LATS1: variants seen among roughly 807,000 people sequenced by gnomAD.
LATS1 encodes large tumor suppressor kinase 1, also known as serine/threonine-protein kinase LATS1.
LATS1 carries 25 observed loss-of-function variants against 106.6 expected under a neutral mutation model. That is an observed-to-expected ratio of 0.23 (90% CI 0.17 to 0.33). The LOEUF (loss-of-function observed/expected upper bound fraction) is 0.33. Among genes scored for constraint, LATS1 ranks in the 10% least tolerant of loss-of-function variants. LATS1 has a pLI of 1.00. For missense variants in LATS1, 1,040 were observed against 1,382.6 expected (o/e 0.75, Z 3.93); for synonymous variants, 465 against 455.6 (o/e 1.02, Z -0.26).
chr6:149,695,407 A>AG (rs1783002696), intron 2 of LATS1, among the ~76,000 whole-genome samples, 186 bp from the exon 3 acceptor site: 1 of 152,186 alleles, frequency 6.6e-6, no homozygotes, highest in Admixed American at 6.5e-5. Flanking sequence ...TAAAACAGGC[A>AG]GGGCGCAGTG....
chr6:149,697,303 G>T (rs1017065982), intron 2 of LATS1: 1 of 485,174 alleles, frequency 2.1e-6, no homozygotes. Context: ...GATTTTGTTG[G>T]AAGCAGCAAG....
chr6:149,709,563 A>C (rs1257425732), intron 1 of LATS1, among the ~76,000 whole-genome samples: 1 of 151,380 alleles, frequency 6.6e-6, no homozygotes, highest in Non-Finnish European at 1.5e-5. Flanking sequence ...GGCTTCCTTT[A>C]CATAATGGGA....
intron 3 of LATS1, among the ~76,000 whole-genome samples, chr6:149,693,511 G>A (rs570156239): frequency 6.6e-6 from 1 of 151,718 alleles, no homozygotes; most frequent in East Asian, 2.0e-4. Context: ...TACTCAGGCT[G>A]TGGCAGGAGA....
At chr6:149,679,796 G>A (rs1781936864) in intron 5 of LATS1, 79 bp downstream of exon 5, 5 of 1,082,730 alleles carry the variant, frequency 4.6e-6, no homozygotes, top group Non-Finnish European at 6.6e-6. Flanking sequence ...ATCCAGTGAT[G>A]ATACCATCTT....
intron 3 of LATS1, among the ~76,000 whole-genome samples, chr6:149,692,704 C>T (rs1264303764): frequency 4.1e-5 from 6 of 146,006 alleles, no homozygotes; most frequent in Non-Finnish European, 6.0e-5. Flanking sequence ...GAGGGAGTTT[C>T]GATCTTGTTG....
At chr6:149,707,314 G>A (rs1783840108) in intron 1 of LATS1, among the ~76,000 whole-genome samples, 1 of 151,746 alleles carries the variant, frequency 6.6e-6, no homozygotes, top group African/African-American at 2.4e-5. Flanking sequence ...GTGCCCGGCC[G>A]GACATCTCAT....
intron 7 of LATS1, among the ~76,000 whole-genome samples, chr6:149,666,623 C>CA (rs60169424): frequency 1.1e-3 from 144 of 127,616 alleles, no homozygotes; most frequent in East Asian, 5.8e-3. Flanking sequence ...GACTCTGTCT[C>CA]AAAAAAAAAA....
At chr6:149,696,381 C>T (rs1357264311) in intron 2 of LATS1, among the ~76,000 whole-genome samples, 8 of 149,398 alleles carry the variant, frequency 5.4e-5, no homozygotes, top group Non-Finnish European at 1.2e-4. Flanking sequence ...CCAGCCTGAC[C>T]AACATGGTAA....
In LATS1 at chr6:149,659,722, T is replaced by C. The variant is rs898055454; in HGVS notation, c.*2007A>G. On this transcript the variant is annotated 3_prime_UTR_variant, in exon 8 of 8. Transcript: ENST00000543571. Reference sequence around the variant, plus strand: ...TAAATGTGACTACCCACCTAAAAATTCTTGAACTACTTTGTTTTGCATAGG... The same window carrying C: ...TAAATGTGACTACCCACCTAAAAATCCTTGAACTACTTTGTTTTGCATAGG... 4.4e-6 allele frequency: 1 copy of C among 227,630 alleles called. No homozygotes were observed. The highest frequency in any genetic ancestry group is 1.8e-4 in the South Asian group (1 of 5,484). 14.1% of individuals were successfully genotyped at this position (227,630 alleles called of 1,614,324 possible).
chr6:149,658,668 C>T lies in LATS1; in HGVS notation c.*3061G>A, dbSNP rs1482733061. 1 of 152,136 alleles carries T rather than the reference C, an allele frequency of 6.6e-6. No homozygotes were observed. The highest frequency in any genetic ancestry group is 1.5e-5 in the Non-Finnish European group (1 of 68,020). The allele number at this position is 152,136 out of a possible 1,614,324, so 9.4% of individuals were successfully genotyped here. ...TAAAACAATTCCACTCACAGTTTTG[C>T]ACTTTGCAACAGCAGAAGGTAATAA... is the stretch of plus-strand genomic sequence containing the variant. On this transcript the variant is annotated 3_prime_UTR_variant, in exon 8 of 8. Transcript: ENST00000543571.
intron 5 of LATS1, among the ~76,000 whole-genome samples, chr6:149,678,779 C>T (rs1011249713): frequency 6.6e-6 from 1 of 152,108 alleles, no homozygotes; most frequent in Admixed American, 6.5e-5. Context: ...CAAAGCCTAG[C>T]CCTTACACTT....
Position 149,660,012 on chromosome 6 carries a change from G to C in LATS1, c.*1717C>G. On this transcript the variant is annotated 3_prime_UTR_variant, in exon 8 of 8. Transcript: ENST00000543571. ...ATTATCAGCTTATATAAGATGTGCT[G>C]AGTAGTGATTGGTAAGTTAAAAACA... 4.3e-6 allele frequency: 1 copy of C among 232,358 alleles called. No individual in the cohort carries two copies. The highest frequency in any genetic ancestry group is 1.8e-4 in the South Asian group (1 of 5,522). The allele number at this position is 232,358 out of a possible 1,614,324, so 14.4% of individuals were successfully genotyped here.
At chr6:149,714,131 C>G (rs1366758773) in intron 1 of LATS1, among the ~76,000 whole-genome samples, 3 of 151,196 alleles carry the variant, frequency 2.0e-5, no homozygotes, top group Non-Finnish European at 4.4e-5. Flanking sequence ...ACCACCACAC[C>G]TGGCTAATTT....
Position 149,665,768 on chromosome 6 carries a change from C to A in LATS1, c.2884-3530G>T, listed in dbSNP as rs571982558. ...AAGCCTTTGAAACTGACATTGAAATCAAAAAAGACTGGTTGGAACTTGTGG... is the reference window on the plus strand; with the variant it reads ...AAGCCTTTGAAACTGACATTGAAATAAAAAAAGACTGGTTGGAACTTGTGG... On this transcript the variant is annotated intron_variant, in intron 7 of 7. Transcript: ENST00000543571. Among the ~76,000 whole-genome samples, 140 of 152,142 alleles carry A rather than the reference C, an allele frequency of 9.2e-4. 1 individual carries two copies. The highest frequency in any genetic ancestry group is 1.6e-3 in the Non-Finnish European group (110 of 67,966).
intron 5 of LATS1, among the ~76,000 whole-genome samples, chr6:149,678,162 TCCAAAAAAAAAAAAAAAA>T (rs1400083968): frequency 1.0e-4 from 3 of 28,620 alleles, no homozygotes; most frequent in Non-Finnish European, 2.3e-4. Context: ...CTACTAAAAA[TCCAAAAAAAAAAAAAAAA>T]AAAAAAAAAA....
In LATS1 at chr6:149,695,199, T is replaced by C; in HGVS notation, c.371A>G (p.Gln124Arg). The C allele has an allele frequency of 6.2e-7, 1 of 1,604,458 alleles. No homozygotes were observed. Among genetic ancestry groups the C allele is most frequent in the Non-Finnish European group, 8.5e-7 (1 of 1,173,478 alleles). Residue 124 changes from glutamine (Q) to arginine (R), a missense_variant, in exon 3 of 8, where the codon CAG becomes CGG. Around this residue, in one of 7 missense-constraint regions of LATS1, gnomAD observed 624 missense variants for 714.8 expected, o/e 0.87. Transcript: ENST00000543571. ...TTCTATACTTCTGTTGTTAGTTTTC[T>C]GAAGAGCTTGTATAACCATATCCTG... is the stretch of plus-strand genomic sequence containing the variant. ...FDEDMVIQAL[Q>R]KTNNRSIEAA...
At chr6:149,697,694 A>G (rs1783176606) in intron 2 of LATS1, among the ~76,000 whole-genome samples, 1 of 152,176 alleles carries the variant, frequency 6.6e-6, no homozygotes, top group South Asian at 2.1e-4. Flanking sequence ...TAAGAAAATT[A>G]GCACCCACTA....
intron 3 of LATS1, among the ~76,000 whole-genome samples, chr6:149,691,240 G>A (rs1259346663): frequency 6.6e-6 from 1 of 152,170 alleles, no homozygotes; most frequent in Non-Finnish European, 1.5e-5. Flanking sequence ...ACATGGAGAT[G>A]GAGACCCCAG....
intron 7 of LATS1, among the ~76,000 whole-genome samples, chr6:149,664,153 G>C (rs1489023416): frequency 8.7e-6 from 1 of 115,378 alleles, no homozygotes; most frequent in African/African-American, 3.5e-5. Flanking sequence ...GGATTTTTCA[G>C]TTTAAGGCAA....
Sources: allele counts gnomAD v4.1 joint callset (sites outside exome capture counted in the v4.1 genomes callset), GRCh38; gene constraint gnomAD v4.1.1; regional missense constraint gnomAD v4.1.1; transcripts MANE v1.5; gene names NCBI Gene and HGNC (gene_info 2026-07-23, HGNC 2026-07-21).